Variants in WFDC9 observed in about 807,000 individuals in gnomAD.
WFDC9 encodes the protein protein WFDC9.
Under a neutral mutation model 9.5 loss-of-function variants are expected in WFDC9, and 9 were observed. The ratio of observed to expected loss-of-function variants is 0.95; its 90% confidence interval spans 0.57 to 1.65. WFDC9 has a LOEUF of 1.65. Among genes scored for constraint, WFDC9 ranks in the 40% most tolerant of loss-of-function variants. The pLI is 0.00. For synonymous variants in WFDC9, 33 were observed against 32.3 expected (o/e 1.02, Z -0.07); for missense variants, 87 against 106.7 (o/e 0.82, Z 0.81).
At chr20:45,624,471 T>TA (rs76956821) in intron 1 of WFDC9, among the ~76,000 whole-genome samples, 7,805 of 152,278 alleles carry the variant, frequency 0.051, 375 homozygotes, top group East Asian at 0.24. Flanking sequence ...CCTCGGTTGT[T>TA]AGACACCTAG....
At chr20:45,610,273 G>C in intron 2 of WFDC9, 34 bp from the exon 3 acceptor site, 1 of 1,136,468 alleles carries the variant, frequency 8.8e-7, no homozygotes, top group Non-Finnish European at 1.3e-6. Flanking sequence ...GAGGAGAACA[G>C]GGTAAGCAAC....
Position 45,610,259 on chromosome 20 carries a change from G to A in WFDC9, c.-58-20C>T. 7.8e-7 allele frequency: 1 copy of A among 1,275,258 alleles called. No individual in the cohort carries two copies. The highest frequency in any genetic ancestry group is 1.5e-5 in the African/African-American group (1 of 68,230). The allele number at this position is 1,275,258 out of a possible 1,614,324, so 79.0% of individuals were successfully genotyped here. A position where few individuals can be genotyped will look rare whatever the true frequency, so the allele number is the denominator to read the frequency against. On this transcript the variant is annotated intron_variant, in intron 2 of 4. Coordinates refer to ENST00000326000, the MANE Select transcript of WFDC9 (RefSeq NM_147198.4). The stretch of plus-strand genomic sequence containing the variant: ...CCAATACTGCTAGACGTAGAAAATG[G>A]ATTGAGGAGAACAGGGTAAGCAACA...
At chr20:45,620,550 C>T (rs1016906648) in intron 1 of WFDC9, among the ~76,000 whole-genome samples, 1 of 152,192 alleles carries the variant, frequency 6.6e-6, no homozygotes, top group African/African-American at 2.4e-5. Flanking sequence ...CAAGAGAGCA[C>T]CGCTGTACTC....
At chr20:45,610,834 T>C (rs1981844303) in intron 2 of WFDC9, among the ~76,000 whole-genome samples, 1 of 152,146 alleles carries the variant, frequency 6.6e-6, no homozygotes, top group East Asian at 1.9e-4. Flanking sequence ...TGAAGGAAAT[T>C]TTATTGGTAA....
At chr20:45,624,582 G>A (rs971088473) in intron 1 of WFDC9, among the ~76,000 whole-genome samples, 8 of 152,168 alleles carry the variant, frequency 5.3e-5, no homozygotes, top group African/African-American at 1.9e-4. Context: ...ATACCTAGTA[G>A]TGGGATTGCT....
intron 1 of WFDC9, among the ~76,000 whole-genome samples, chr20:45,616,682 C>T (rs1396820745): frequency 6.6e-6 from 1 of 152,156 alleles, no homozygotes; most frequent in Non-Finnish European, 1.5e-5. Flanking sequence ...GGTCCATGGG[C>T]TGAAGAATGA....
intron 1 of WFDC9, among the ~76,000 whole-genome samples, chr20:45,618,846 G>A (rs1376667112): frequency 6.6e-6 from 1 of 152,246 alleles, no homozygotes; most frequent in Non-Finnish European, 1.5e-5. Flanking sequence ...AGAACATGCT[G>A]TTGGAAAAAT....
At chr20:45,629,689 G>T (rs768435386) in intron 1 of WFDC9, 6 of 1,243,086 alleles carry the variant, frequency 4.8e-6, no homozygotes, top group Non-Finnish European at 6.7e-6. Context: ...CTCCGACTTG[G>T]CCAGTAGAGG....
chr20:45,608,586 G>T, intron 4 of WFDC9, 77 bp downstream of exon 4: 1 of 1,508,868 alleles, frequency 6.6e-7, no homozygotes, highest in Non-Finnish European at 8.9e-7. Flanking sequence ...TTGGGTGGCT[G>T]CGGTCTTTTG....
intron 1 of WFDC9, chr20:45,630,739 A>C (rs1982342597): frequency 9.9e-7 from 1 of 1,005,516 alleles, no homozygotes; most frequent in Non-Finnish European, 1.4e-6. Context: ...GCAGGAAGGT[A>C]GTTCTATGAA....
intron 1 of WFDC9, among the ~76,000 whole-genome samples, chr20:45,619,969 T>C (rs1982059283): frequency 6.6e-6 from 1 of 151,924 alleles, no homozygotes; most frequent in Non-Finnish European, 1.5e-5. Flanking sequence ...GAGGTTGCAG[T>C]GAGTCGAGAT....
intron 2 of WFDC9, among the ~76,000 whole-genome samples, chr20:45,612,407 C>T (rs1227333928): frequency 6.6e-6 from 1 of 151,682 alleles, no homozygotes; most frequent in African/African-American, 2.4e-5. Context: ...GTGAACAAAA[C>T]AGACAAAAAT....
chr20:45,623,197 C>G (rs1348614316), intron 1 of WFDC9, among the ~76,000 whole-genome samples: 1 of 152,116 alleles, frequency 6.6e-6, no homozygotes, highest in African/African-American at 2.4e-5. Context: ...AAATAGCAAA[C>G]AGATGGAAGC....
intron 1 of WFDC9, among the ~76,000 whole-genome samples, chr20:45,617,608 C>G (rs1318610586): frequency 6.6e-6 from 1 of 152,196 alleles, no homozygotes; most frequent in African/African-American, 2.4e-5. Context: ...GATCCTCCTT[C>G]CTCATCCTCC....
At chr20:45,625,807 CTTTT>C (rs76758338) in intron 1 of WFDC9, among the ~76,000 whole-genome samples, 20 of 46,406 alleles carry the variant, frequency 4.3e-4, no homozygotes, top group Middle Eastern at 0.018. Flanking sequence ...GTTCTCTATT[CTTTT>C]TTTTTTTTTT....
intron 1 of WFDC9, among the ~76,000 whole-genome samples, chr20:45,623,186 A>T (rs1982138725): frequency 3.9e-5 from 6 of 152,176 alleles, no homozygotes; most frequent in South Asian, 4.2e-4. Flanking sequence ...TTAGGCCAGG[A>T]AAATAGCAAA....
chr20:45,619,876 A>G (rs567880907), intron 1 of WFDC9, among the ~76,000 whole-genome samples: 1 of 152,190 alleles, frequency 6.6e-6, no homozygotes, highest in South Asian at 2.1e-4. Flanking sequence ...AATACGAAAA[A>G]TTAGCCAGCC....
At chr20:45,609,207 CTTT>C (rs61409671) in intron 3 of WFDC9, among the ~76,000 whole-genome samples, 2 of 143,384 alleles carry the variant, frequency 1.4e-5, no homozygotes, top group Non-Finnish European at 3.1e-5. Flanking sequence ...TTCCCCTTCT[CTTT>C]TTTTTTTTTT....
chr20:45,617,016 A>G (rs1403721913), intron 1 of WFDC9, among the ~76,000 whole-genome samples: 2 of 152,216 alleles, frequency 1.3e-5, no homozygotes, highest in Non-Finnish European at 2.9e-5. Flanking sequence ...ACTTCTATCT[A>G]TGAAAGTTCT....
Sources: gnomAD v4.1 joint callset for allele counts (sites outside exome capture counted in the v4.1 genomes callset) on GRCh38, gnomAD v4.1.1 for gene constraint, MANE v1.5 for transcripts, NCBI Gene and HGNC (gene_info 2026-07-23, HGNC 2026-07-21) for gene names.